The following MAP3K14 variants were observed in gnomAD, a reference collection of about 807,000 sequenced individuals.
MAP3K14 encodes mitogen-activated protein kinase kinase kinase 14, also known as NF-kappa-beta-inducing kinase.
A neutral mutation model predicts 99.2 loss-of-function variants in MAP3K14; 16 were observed. The ratio of observed to expected loss-of-function variants is 0.16; its 90% confidence interval spans 0.11 to 0.24. MAP3K14 has a LOEUF of 0.24. MAP3K14 is among the 10% of genes least tolerant of loss of function. The pLI is 1.00. For missense variants in MAP3K14, 784 were observed against 1,208.7 expected, an observed-to-expected ratio of 0.65 and a Z score of 5.21; for synonymous variants, 462 against 492.4, an observed-to-expected ratio of 0.94 and a Z score of 0.82.
chr17:45,309,523 C>G (rs2044455843), intron 1 of MAP3K14, among the ~76,000 whole-genome samples: 1 of 152,222 alleles, frequency 6.6e-6, no homozygotes, highest in Non-Finnish European at 1.5e-5. Flanking sequence ...AGACATGGCC[C>G]ATTTGACACA....
rs1195072153 is a variant in MAP3K14 at position 45,276,887 on chromosome 17, G to A, written c.1291-2294C>T. On this transcript the variant is annotated intron_variant, in intron 6 of 15. Transcript: ENST00000344686. ...TCTGTCACCAGGCTGGAGTGCAGTGGTGTGATATCTCAGCTCACTGCAACC... is the reference window on the plus strand; with the variant it reads ...TCTGTCACCAGGCTGGAGTGCAGTGATGTGATATCTCAGCTCACTGCAACC... Among the ~76,000 whole-genome samples the A allele has an allele frequency of 4.1e-5, 5 of 123,402 alleles. No homozygotes were observed. In the East Asian group the frequency reaches 1.3e-3, roughly 32 times the overall value. The allele number at this position is 123,402 out of a possible 152,430, so 81.0% of individuals were successfully genotyped here.
intron 1 of MAP3K14, among the ~76,000 whole-genome samples, chr17:45,312,905 G>C (rs1017231851): frequency 6.6e-6 from 1 of 152,164 alleles, no homozygotes; most frequent in African/African-American, 2.4e-5. Context: ...ACAAGTCCTT[G>C]CTGATCTACA....
At chr17:45,302,389 C>A (rs1346561938) in intron 1 of MAP3K14, among the ~76,000 whole-genome samples, 1 of 152,184 alleles carries the variant, frequency 6.6e-6, no homozygotes, top group African/African-American at 2.4e-5. Flanking sequence ...CTTACTGCAA[C>A]TTCCGCCTCT....
chr17:45,305,192 G>A (rs1214881770), intron 1 of MAP3K14, among the ~76,000 whole-genome samples: 1 of 151,336 alleles, frequency 6.6e-6, no homozygotes, highest in East Asian at 2.0e-4. Flanking sequence ...CTGCCTGCCG[G>A]GTTTACACCA....
intron 1 of MAP3K14, among the ~76,000 whole-genome samples, chr17:45,300,019 G>A (rs1208974891): frequency 6.6e-6 from 1 of 152,124 alleles, no homozygotes; most frequent in Non-Finnish European, 1.5e-5. Context: ...GAACCTAGAG[G>A]TGGAGGTTGC....
At chr17:45,302,469 G>A (rs8071457) in intron 1 of MAP3K14, among the ~76,000 whole-genome samples, 280 of 152,048 alleles carry the variant, frequency 1.8e-3, no homozygotes, top group African/African-American at 6.0e-3. Context: ...CACCACACCC[G>A]GCTAATTTTT....
Position 45,298,202 on chromosome 17 carries a change from C to T in MAP3K14, c.-20-7437G>A, listed in dbSNP as rs148916915. Among the ~76,000 whole-genome samples, 369 of 151,482 alleles carry T rather than the reference C, an allele frequency of 2.4e-3. 1 individual carries two copies. The highest frequency in any genetic ancestry group is 8.5e-3 in the African/African-American group (349 of 41,234). ...ATGTATGTTGATTTAAGAGTAATGA[C>T]TAAAATAATAGAAATACAATTCAGA... is the stretch of plus-strand genomic sequence containing the variant. On this transcript the variant is annotated intron_variant, in intron 1 of 15. Transcript: ENST00000344686.
intron 9 of MAP3K14, among the ~76,000 whole-genome samples, chr17:45,271,511 A>G (rs1026231061): frequency 6.6e-6 from 1 of 152,054 alleles, no homozygotes; most frequent in Non-Finnish European, 1.5e-5. Flanking sequence ...ATGCCCAGCT[A>G]ATTTTTATGT....
At chr17:45,304,990 C>T (rs764248483) in intron 1 of MAP3K14, among the ~76,000 whole-genome samples, 10 of 152,160 alleles carry the variant, frequency 6.6e-5, no homozygotes, top group Non-Finnish European at 1.2e-4. Flanking sequence ...GCAGTGGGCA[C>T]TCTGGAAACA....
In MAP3K14 at chr17:45,272,696, T is replaced by C. The variant is rs999472556; in HGVS notation, c.1657+807A>G. On this transcript the variant is annotated intron_variant, in intron 9 of 15. Transcript: ENST00000344686. This position sits in a 1 kb window ranked among gnomAD's most constrained non-coding sequence, Gnocchi z 4.1. ...GGCTCATGCCTGTAATTCCAGCACT[T>C]TGGGAGGCTGAGTGGGGCGGATCAC... Among the ~76,000 whole-genome samples the C allele has an allele frequency of 3.3e-5, 5 of 152,102 alleles. No individual in the cohort carries two copies. The highest frequency in any genetic ancestry group is 1.2e-4 in the African/African-American group (5 of 41,408).
intron 1 of MAP3K14, among the ~76,000 whole-genome samples, chr17:45,313,418 T>C (rs2044500062): frequency 6.6e-6 from 1 of 152,158 alleles, no homozygotes; most frequent in African/African-American, 2.4e-5. Flanking sequence ...CATTTTCTAC[T>C]CAAAACAGCC....
At chr17:45,315,817 CTG>C (rs1568006502) in intron 1 of MAP3K14, among the ~76,000 whole-genome samples, 1 of 152,192 alleles carries the variant, frequency 6.6e-6, no homozygotes, top group African/African-American at 2.4e-5. Flanking sequence ...ACACTACAAT[CTG>C]TCTTACCACA....
In MAP3K14 at chr17:45,287,040, A is replaced by G. The variant is rs1220836680; in HGVS notation, c.543T>C (p.Asp181=). ...CATATGGGGCGCCGAGTGGAGACTC[A>G]TCCTCCTGCGGGGGGAAACACAGCT... ...QESCTIPVQE[D]ESPLGAPYVR... Residue 181 remains aspartate, a synonymous_variant, in exon 5 of 16, where the codon GAT becomes GAC. Transcript: ENST00000344686. 2.5e-6 allele frequency: 4 copies of G among 1,610,986 alleles called. No individual in the cohort carries two copies. The South Asian group carries it at 3.3e-5, about 13-fold the overall frequency.
At chr17:45,266,377 A>G in intron 14 of MAP3K14, 160 bp downstream of exon 14, 1 of 884,398 alleles carries the variant, frequency 1.1e-6, no homozygotes, top group Non-Finnish European at 1.7e-6. Context: ...CCTTTGCTTG[A>G]AACCCAACTT....
At chr17:45,313,115 A>G (rs1341643675) in intron 1 of MAP3K14, among the ~76,000 whole-genome samples, 3 of 152,116 alleles carry the variant, frequency 2.0e-5, no homozygotes, top group East Asian at 1.9e-4. Flanking sequence ...AGACAGGGAG[A>G]ACCCGAGAGC....
intron 6 of MAP3K14, among the ~76,000 whole-genome samples, chr17:45,274,855 G>A (rs892846100): frequency 1.3e-5 from 2 of 152,132 alleles, no homozygotes; most frequent in African/African-American, 2.4e-5. Context: ...AACTACATCC[G>A]CACCGGGCGC....
At position 45,308,671 on chromosome 17, in the gene MAP3K14, C is replaced by CT. The variant is rs904247220; in HGVS notation, c.-21+8288dup. On this transcript the variant is annotated intron_variant, in intron 1 of 15. Transcript: ENST00000344686. Reference sequence around the variant, plus strand: ...GTAAGCACCACCATGCCCAGCTAATCTTTTTTTTTTTTTTTTGACAGAGTC... The same window carrying CT: ...GTAAGCACCACCATGCCCAGCTAATCTTTTTTTTTTTTTTTTTGACAGAGTC... Among the ~76,000 whole-genome samples the CT allele has an allele frequency of 5.9e-3, 817 of 138,444 alleles. 3 individuals carry two copies. The highest frequency in any genetic ancestry group is 0.014 in the African/African-American group (529 of 37,716). The allele number at this position is 138,444 out of a possible 152,430, so 90.8% of individuals were successfully genotyped here. A position where few individuals can be genotyped will look rare whatever the true frequency, so the allele number is the denominator to read the frequency against.
intron 1 of MAP3K14, among the ~76,000 whole-genome samples, chr17:45,312,755 G>T (rs80000929): frequency 2.6e-5 from 4 of 152,104 alleles, no homozygotes; most frequent in Non-Finnish European, 5.9e-5. Flanking sequence ...ACTGCAGATC[G>T]TGGGCCCCCA....
chr17:45,309,326 C>T, intron 1 of MAP3K14, among the ~76,000 whole-genome samples: 1 of 152,214 alleles, frequency 6.6e-6, no homozygotes, highest in Non-Finnish European at 1.5e-5. Flanking sequence ...CTGGCTCAGG[C>T]TGGAAAAGGA....
Sources: gnomAD v4.1 joint callset for allele counts (sites outside exome capture counted in the v4.1 genomes callset) on GRCh38, gnomAD v4.1.1 for gene constraint, Gnocchi (gnomAD v3.1) non-coding constraint, MANE v1.5 for transcripts, NCBI Gene and HGNC (gene_info 2026-07-23, HGNC 2026-07-21) for gene names.